POSTN: variants seen among roughly 807,000 people sequenced by gnomAD.
POSTN encodes osteoblast specific factor 2 (fasciclin I-like).
A neutral mutation model predicts 104.5 loss-of-function variants in POSTN; 71 were observed. The observed-to-expected ratio is 0.68, with a 90% CI of 0.56 to 0.83. POSTN has a LOEUF of 0.83. Among genes scored for constraint, POSTN ranks in the 40% least tolerant of loss-of-function variants. The pLI is 0.00. For synonymous variants in POSTN, 355 were observed against 340.7 expected, an observed-to-expected ratio of 1.04 and a Z score of -0.46; for missense variants, 949 against 1,006.8, an observed-to-expected ratio of 0.94 and a Z score of 0.78.
intron 15 of POSTN, among the ~76,000 whole-genome samples, chr13:37,578,103 A>G (rs994039402): frequency 1.3e-5 from 2 of 152,174 alleles, no homozygotes; most frequent in African/African-American, 4.8e-5. Flanking sequence ...GAAGAAAAAT[A>G]TTCCGTTCCC....
At chr13:37,571,922 G>A (rs1353021513) in intron 17 of POSTN, among the ~76,000 whole-genome samples, 1 of 151,432 alleles carries the variant, frequency 6.6e-6, no homozygotes, top group East Asian at 1.9e-4. Context: ...TTTTGATCTA[G>A]TGGGTATAGG....
chr13:37,587,630 C>T (rs956448500), intron 5 of POSTN, among the ~76,000 whole-genome samples, 192 bp downstream of exon 5: 2 of 152,156 alleles, frequency 1.3e-5, no homozygotes, highest in African/African-American at 4.8e-5. Flanking sequence ...TTGTCCTTTA[C>T]AATCACTCTT....
chr13:37,580,664 C>T lies in POSTN; in HGVS notation c.1426G>A (p.Gly476Arg). The change falls in exon 11 of 23, where the codon GGG becomes AGG. Residue 476 changes from glycine (G) to arginine (R), a missense_variant. Transcript: ENST00000379747. ...GCACCGTTTCTCCCTTGCTTACTCC[C>T]TTTCTCCATGCATGAATTTTCAATG... ...VCIENSCMEK[G>R]SKQGRNGAIH... The T allele has an allele frequency of 6.2e-7, 1 of 1,614,090 alleles. No individual in the cohort carries two copies. The highest frequency in any genetic ancestry group is 8.5e-7 in the Non-Finnish European group (1 of 1,179,992).
At chr13:37,587,065 G>T in intron 5 of POSTN, 137 bp from the exon 6 acceptor site, 1 of 720,938 alleles carries the variant, frequency 1.4e-6, no homozygotes, top group Non-Finnish European at 2.2e-6. Flanking sequence ...TGTAAACGCT[G>T]TGGATGAAGA....
At chr13:37,582,037 G>T (rs2138284632) in intron 10 of POSTN, among the ~76,000 whole-genome samples, 1 of 152,280 alleles carries the variant, frequency 6.6e-6, no homozygotes, top group Middle Eastern at 3.4e-3. Context: ...GCAGAGAACA[G>T]AATTACCTTG....
chr13:37,571,470 T>G lies in POSTN; in HGVS notation c.2090-12A>C. ...TGTTAGTGTGGGTCCTGGGACATTA[T>G]TTTAGGAGACAAATTATCATGTTAA... On this transcript the variant is annotated splice_polypyrimidine_tract_variant and intron_variant, in intron 17 of 22. Coordinates refer to ENST00000379747, the MANE Select transcript of POSTN (RefSeq NM_006475.3). 6.4e-7 allele frequency: 1 copy of G among 1,554,584 alleles called. No homozygotes were observed. Among genetic ancestry groups the G allele is most frequent in the Non-Finnish European group, 8.9e-7 (1 of 1,128,614 alleles).
At chr13:37,580,832 T>A in intron 10 of POSTN, 135 bp from the exon 11 acceptor site, 1 of 972,628 alleles carries the variant, frequency 1.0e-6, no homozygotes, top group Non-Finnish European at 1.5e-6. Flanking sequence ...GGGAACAGCT[T>A]CTTTCCTCTG....
chr13:37,595,511 C>G (rs1311610752), intron 2 of POSTN, among the ~76,000 whole-genome samples: 1 of 152,150 alleles, frequency 6.6e-6, no homozygotes, highest in Non-Finnish European at 1.5e-5. Flanking sequence ...ACTTGGTTAC[C>G]ATGTGGAGAT....
In POSTN at chr13:37,580,446, T is replaced by C. The variant is rs1950546065; in HGVS notation, c.1529+115A>G. 1.1e-5 allele frequency: 13 copies of C among 1,169,078 alleles called. No individual in the cohort carries two copies. The East Asian group carries it at 3.1e-4, about 28-fold the overall frequency. 72.4% of individuals were successfully genotyped at this position (1,169,078 alleles called of 1,614,324 possible). ...GAAAACACTTGTATGAACATTTTATTCTAAATTCCATTTTCAACCACATAG... is the reference window on the plus strand; with the variant it reads ...GAAAACACTTGTATGAACATTTTATCCTAAATTCCATTTTCAACCACATAG... On this transcript the variant is annotated intron_variant, in intron 11 of 22. Coordinates refer to ENST00000379747, the MANE Select transcript of POSTN (RefSeq NM_006475.3).
intron 20 of POSTN, 133 bp from the exon 21 acceptor site, chr13:37,569,516 G>A: frequency 2.3e-6 from 2 of 857,252 alleles, no homozygotes; most frequent in Non-Finnish European, 3.9e-6. Flanking sequence ...ACAAATTTTA[G>A]TGCTGTTTTC....
intron 22 of POSTN, among the ~76,000 whole-genome samples, chr13:37,563,963 G>A (rs1326620484): frequency 1.3e-5 from 2 of 151,326 alleles, no homozygotes; most frequent in African/African-American, 2.4e-5. Context: ...ATATTTAAAT[G>A]AACATTTTGT....
chr13:37,597,160 T>C (rs755522998), intron 2 of POSTN, 24 bp downstream of exon 2: 6 of 1,461,600 alleles, frequency 4.1e-6, no homozygotes, highest in Non-Finnish European at 5.5e-6. Flanking sequence ...AACTGACATA[T>C]TATGAAAAAA....
chr13:37,586,775 G>A lies in POSTN; in HGVS notation c.753+7C>T. 6.2e-7 allele frequency: 1 copy of A among 1,610,016 alleles called. No individual in the cohort carries two copies. The highest frequency in any genetic ancestry group is 8.5e-7 in the Non-Finnish European group (1 of 1,177,534). ...AATGACTCAAGACAATCTGCTCTTG[G>A]ACTTACTCTAAAAGATGAAAGGTCA... On this transcript the variant is annotated splice_region_variant and intron_variant, in intron 6 of 22. Transcript: ENST00000379747.
chr13:37,569,155 C>G, intron 21 of POSTN, 145 bp downstream of exon 21: 1 of 573,872 alleles, frequency 1.7e-6, no homozygotes, highest in South Asian at 2.4e-5. Context: ...ACCATTGAAC[C>G]AATCCATCTA....
intron 17 of POSTN, among the ~76,000 whole-genome samples, chr13:37,573,086 G>A (rs1427851732): frequency 6.6e-6 from 1 of 151,378 alleles, no homozygotes; most frequent in African/African-American, 2.4e-5. Flanking sequence ...CAAAGATTGA[G>A]GAGATAAATA....
chr13:37,590,485 C>T lies in POSTN; in HGVS notation c.328G>A (p.Ala110Thr), dbSNP rs778208554. 6 of 1,613,026 alleles carry T rather than the reference C, an allele frequency of 3.7e-6. No individual in the cohort carries two copies. The highest frequency in any genetic ancestry group is 5.1e-6 in the Non-Finnish European group (6 of 1,179,298). ...TCAGAATAGCGCTGCGTTGTGGTGG[C>T]TCCCACGATGCCCAGAGTGCCATAA... Reference protein sequence around the residue: ...HVYGTLGIVGATTTQRYSDAS... With the variant: ...HVYGTLGIVGTTTTQRYSDAS... Residue 110 changes from alanine (A) to threonine (T), a missense_variant, in exon 4 of 23, where the codon GCC (alanine) becomes ACC (threonine). Coordinates refer to ENST00000379747, the MANE Select transcript of POSTN (RefSeq NM_006475.3).
At chr13:37,567,546 A>G (rs967661483) in intron 21 of POSTN, among the ~76,000 whole-genome samples, 2 of 152,198 alleles carry the variant, frequency 1.3e-5, no homozygotes, top group Non-Finnish European at 2.9e-5. Flanking sequence ...TCTACCGCAT[A>G]TAGTGTTTTT....
intron 21 of POSTN, 33 bp from the exon 22 acceptor site, chr13:37,564,593 C>T (rs4390468): frequency 0.66 from 949,614 of 1,435,422 alleles, 316,504 homozygotes; most frequent in East Asian, 0.87. Context: ...AGAAATACTT[C>T]GCAATTATGG....
At chr13:37,565,528 T>C (rs2138136679) in intron 21 of POSTN, 1 of 152,214 alleles carries the variant, frequency 6.6e-6, no homozygotes, top group South Asian at 2.1e-4. Context: ...GCAATGAAAC[T>C]GTCACCATGA....
Sources: allele counts gnomAD v4.1 joint callset (sites outside exome capture counted in the v4.1 genomes callset), GRCh38; gene constraint gnomAD v4.1.1; transcripts MANE v1.5; gene names NCBI Gene and HGNC (gene_info 2026-07-23, HGNC 2026-07-21).